PSPH: variants seen among roughly 807,000 people sequenced by gnomAD.
PSPH encodes the protein phosphoserine phosphatase, also known as L-3-phosphoserine phosphatase.
In PSPH, 16 loss-of-function variants were observed where a neutral mutation model predicts 23.4. The ratio of observed to expected loss-of-function variants is 0.68; its 90% CI spans 0.46 to 1.04. The LOEUF (loss-of-function observed/expected upper bound fraction) is 1.04, where lower values mean the gene tolerates loss of function less well. Ranked by LOEUF, PSPH falls within the 50% of genes least tolerant of loss-of-function variation. The pLI, the probability that PSPH is intolerant of heterozygous loss-of-function variation, is 0.00. For synonymous variants in PSPH, 68 were observed against 99.7 expected (o/e 0.68, Z 1.89); for missense variants, 223 against 273.7 (o/e 0.81, Z 1.31).
intron 3 of PSPH, among the ~76,000 whole-genome samples, chr7:56,022,367 G>T (rs759041008): frequency 6.6e-6 from 1 of 152,044 alleles, no homozygotes; most frequent in Non-Finnish European, 1.5e-5. Flanking sequence ...GCTTCAAGGA[G>T]GCACAAGTAT....
intron 3 of PSPH, among the ~76,000 whole-genome samples, chr7:56,023,659 C>T (rs1211067751): frequency 3.9e-5 from 6 of 152,016 alleles, no homozygotes; most frequent in Non-Finnish European, 5.9e-5. Flanking sequence ...ATGTCATATA[C>T]AAGGCTACAC....
At chr7:56,047,911 C>T (rs1402816103) in intron 1 of PSPH, among the ~76,000 whole-genome samples, 1 of 152,138 alleles carries the variant, frequency 6.6e-6, no homozygotes, top group Non-Finnish European at 1.5e-5. Flanking sequence ...CACGATCCGC[C>T]GGCCTTGGCC....
intron 3 of PSPH, among the ~76,000 whole-genome samples, chr7:56,024,979 T>C (rs1477876725): frequency 6.6e-6 from 1 of 151,622 alleles, no homozygotes; most frequent in Admixed American, 6.6e-5. Context: ...AATTTTTGCA[T>C]TTTTAGTAGA....
In PSPH at chr7:56,015,126, C is replaced by A. The variant is rs750270446; in HGVS notation, c.467G>T (p.Gly156Val). 6.2e-7 allele frequency: 1 copy of A among 1,613,974 alleles called. No individual in the cohort carries two copies. The highest frequency in any genetic ancestry group is 8.5e-7 in the Non-Finnish European group (1 of 1,179,964). Residue 156 changes from glycine to valine, a missense_variant, in exon 7 of 8, where the codon GGT becomes GTT. Transcript: ENST00000275605. ...FDETQPTAES[G>V]GKGKVIKLLK... ...AAGTTTAATCACTTTTCCTTTTCCA[C>A]CAGATTCAGCTGTTGGCTGCGTCTC...
At chr7:56,026,859 G>GT (rs1790256598) in intron 3 of PSPH, among the ~76,000 whole-genome samples, 3 of 152,098 alleles carry the variant, frequency 2.0e-5, no homozygotes, top group Admixed American at 1.3e-4. Flanking sequence ...GACAAATGGT[G>GT]TAAGAGGAGC....
chr7:56,034,313 A>G (rs1412448233), intron 1 of PSPH: 5 of 152,286 alleles, frequency 3.3e-5, no homozygotes, highest in African/African-American at 1.2e-4. Context: ...TCCGCTTTGC[A>G]GAGGAAAAGA....
At chr7:56,025,817 T>C (rs1584432078) in intron 3 of PSPH, among the ~76,000 whole-genome samples, 2 of 152,230 alleles carry the variant, frequency 1.3e-5, no homozygotes, top group South Asian at 4.1e-4. Flanking sequence ...TGGTCTCGAA[T>C]TCCTGACCTC....
At chr7:56,013,433 C>T (rs552673230) in intron 7 of PSPH, among the ~76,000 whole-genome samples, 20 of 152,126 alleles carry the variant, frequency 1.3e-4, no homozygotes, top group Non-Finnish European at 2.1e-4. Context: ...ATGGGAAGAT[C>T]GCTTGGTCTG....
chr7:56,027,735 C>A (rs1376197491), intron 3 of PSPH, among the ~76,000 whole-genome samples: 1 of 149,156 alleles, frequency 6.7e-6, no homozygotes, highest in Non-Finnish European at 1.5e-5. Context: ...CTCTTTCCAA[C>A]CACTGACACT....
At chr7:56,023,195 G>A (rs1052705729) in intron 3 of PSPH, among the ~76,000 whole-genome samples, 2 of 152,106 alleles carry the variant, frequency 1.3e-5, no homozygotes, top group African/African-American at 2.4e-5. Flanking sequence ...CGAAAATGGT[G>A]AAGGTACAGG....
At chr7:56,049,245 C>T (rs999395520) in intron 1 of PSPH, among the ~76,000 whole-genome samples, 2 of 151,536 alleles carry the variant, frequency 1.3e-5, no homozygotes, top group African/African-American at 4.8e-5. Flanking sequence ...AGTTTTAAAC[C>T]CTGCTTGCAT....
chr7:56,034,140 A>C (rs1791400266), intron 1 of PSPH, 34 bp from the exon 2 acceptor site: 1 of 152,316 alleles, frequency 6.6e-6, no homozygotes, highest in African/African-American at 2.4e-5. Flanking sequence ...TGAGTTCTGC[A>C]AGTGCTTCTG....
intron 3 of PSPH, among the ~76,000 whole-genome samples, chr7:56,024,534 C>T (rs1212453307): frequency 6.6e-6 from 1 of 151,982 alleles, no homozygotes; most frequent in African/African-American, 2.4e-5. Context: ...TTACTTGAAG[C>T]CAGGAGTTCA....
intron 1 of PSPH, among the ~76,000 whole-genome samples, chr7:56,044,283 A>C (rs956931705): frequency 6.6e-6 from 1 of 152,112 alleles, no homozygotes; most frequent in African/African-American, 2.4e-5. Flanking sequence ...CTAATGAATA[A>C]ACATTACTCA....
chr7:56,017,179 A>C, intron 6 of PSPH, 55 bp downstream of exon 6: 1 of 1,611,418 alleles, frequency 6.2e-7, no homozygotes. Context: ...CATTACCCAG[A>C]ATACTGAACA....
chr7:56,050,141 T>C (rs1562841014), intron 1 of PSPH, among the ~76,000 whole-genome samples: 2 of 152,264 alleles, frequency 1.3e-5, no homozygotes, highest in East Asian at 1.9e-4. Context: ...ACTAGTCACA[T>C]ATATAGATGT....
chr7:56,025,877 G>A (rs1338524906), intron 3 of PSPH, among the ~76,000 whole-genome samples: 1 of 152,264 alleles, frequency 6.6e-6, no homozygotes, highest in East Asian at 1.9e-4. Flanking sequence ...TTATAGGCAT[G>A]AGCCACCGCA....
At chr7:56,017,534 G>A (rs1788729439) in intron 5 of PSPH, among the ~76,000 whole-genome samples, 155 bp from the exon 6 acceptor site, 1 of 151,046 alleles carries the variant, frequency 6.6e-6, no homozygotes, top group Non-Finnish European at 1.5e-5. Flanking sequence ...GGGTGTTAAT[G>A]TTTTATATAT....
At chr7:56,027,962 G>A (rs1790451426) in intron 3 of PSPH, among the ~76,000 whole-genome samples, 2 of 150,402 alleles carry the variant, frequency 1.3e-5, no homozygotes. Context: ...AAGAGCCTGT[G>A]GTGGGAGGAT....
Sources: allele counts gnomAD v4.1 joint callset (sites outside exome capture counted in the v4.1 genomes callset), GRCh38; gene constraint gnomAD v4.1.1; transcripts MANE v1.5; gene names NCBI Gene and HGNC (gene_info 2026-07-23, HGNC 2026-07-21).